EPN2: variants seen among roughly 807,000 people sequenced by gnomAD.
The protein encoded by EPN2 is epsin-2.
EPN2 carries 34 observed loss-of-function variants against 61.7 expected under a neutral mutation model. The ratio of observed to expected loss-of-function variants is 0.55; its 90% CI spans 0.42 to 0.73. The LOEUF (loss-of-function observed/expected upper bound fraction) is 0.73, where lower values mean the gene tolerates loss of function less well. EPN2 is among the 30% of genes least tolerant of loss of function. The pLI, the probability that EPN2 is intolerant of heterozygous loss-of-function variation, is 0.00. For synonymous variants in EPN2, 349 were observed against 353.6 expected, an observed-to-expected ratio of 0.99 and a Z score of 0.15; for missense variants, 714 against 839.2, an observed-to-expected ratio of 0.85 and a Z score of 1.84.
At chr17:19,327,715 T>C (rs1322907326) in intron 7 of EPN2, among the ~76,000 whole-genome samples, 5 of 152,062 alleles carry the variant, frequency 3.3e-5, no homozygotes, top group South Asian at 2.1e-4. Context: ...CACATACATA[T>C]ACATAATATA....
intron 9 of EPN2, among the ~76,000 whole-genome samples, chr17:19,331,622 GTA>G (rs1373666118): frequency 6.6e-6 from 1 of 151,968 alleles, no homozygotes; most frequent in Non-Finnish European, 1.5e-5. Context: ...ACCTGCTTTA[GTA>G]TTTTGATAAA....
In EPN2 at chr17:19,246,855, G is replaced by A. The variant is rs543650672; in HGVS notation, c.-294+9324G>A. Among the ~76,000 whole-genome samples, 28 of 138,312 alleles carry A rather than the reference G, an allele frequency of 2.0e-4. No homozygotes were observed. The South Asian group carries it at 3.8e-3, about 19-fold the overall frequency. 90.7% of individuals were successfully genotyped at this position (138,312 alleles called of 152,430 possible). A position where few individuals can be genotyped will look rare whatever the true frequency, so the allele number is the denominator to read the frequency against. ...GCGATCTCAGCTCACTGCAGGCTCC[G>A]CCCCCGGGTTCACGCCATTCTCCTG... On this transcript the variant is annotated intron_variant, in intron 1 of 10. Transcript: ENST00000314728.
intron 1 of EPN2, among the ~76,000 whole-genome samples, chr17:19,266,023 TTG>T (rs1224337421): frequency 2.0e-5 from 3 of 152,154 alleles, no homozygotes; most frequent in Non-Finnish European, 4.4e-5. Context: ...GCTCATTGTG[TTG>T]TGTGGCTTCT....
At chr17:19,319,389 A>G (rs1041143795) in intron 7 of EPN2, among the ~76,000 whole-genome samples, 4 of 151,786 alleles carry the variant, frequency 2.6e-5, no homozygotes, top group South Asian at 2.1e-4. Flanking sequence ...CAGTGGCGCA[A>G]TCTCGGCTCA....
chr17:19,327,517 GA>G (rs1426353869), intron 7 of EPN2, among the ~76,000 whole-genome samples: 4 of 151,678 alleles, frequency 2.6e-5, no homozygotes, highest in South Asian at 2.1e-4. Context: ...ACGAAAATTA[GA>G]AAAAAAATTA....
chr17:19,266,623 C>T (rs375581790), intron 1 of EPN2, among the ~76,000 whole-genome samples: 2 of 151,690 alleles, frequency 1.3e-5, no homozygotes, highest in African/African-American at 2.4e-5. Flanking sequence ...AGGATGGTTT[C>T]GATCTCCTCA....
intron 7 of EPN2, among the ~76,000 whole-genome samples, chr17:19,327,204 C>T (rs1409103951): frequency 6.6e-6 from 1 of 152,162 alleles, no homozygotes; most frequent in Admixed American, 6.5e-5. Context: ...CAAGAACAAG[C>T]AGCAAAACCA....
At chr17:19,245,260 T>C (rs1003339490) in intron 1 of EPN2, among the ~76,000 whole-genome samples, 3 of 152,182 alleles carry the variant, frequency 2.0e-5, no homozygotes, top group African/African-American at 7.2e-5. Flanking sequence ...TTTGCAGAGC[T>C]GTGTTAAAAT....
chr17:19,241,659 C>T (rs1197392458), intron 1 of EPN2, among the ~76,000 whole-genome samples: 1 of 151,286 alleles, frequency 6.6e-6, no homozygotes, highest in Non-Finnish European at 1.5e-5. Flanking sequence ...TTAACTAGTT[C>T]ATTCAAGTTA....
intron 4 of EPN2, among the ~76,000 whole-genome samples, chr17:19,299,970 A>G (rs1905397350): frequency 2.6e-5 from 4 of 152,236 alleles, no homozygotes; most frequent in African/African-American, 9.6e-5. Context: ...ACTTTGTGCC[A>G]GAAGTAAAGC....
intron 7 of EPN2, among the ~76,000 whole-genome samples, chr17:19,314,045 C>T (rs1906270300): frequency 6.6e-6 from 1 of 152,158 alleles, no homozygotes. Context: ...TTGCCTGTAT[C>T]TCCTGGAGTC....
chr17:19,305,620 C>T (rs931739993), intron 4 of EPN2, among the ~76,000 whole-genome samples: 3 of 152,296 alleles, frequency 2.0e-5, no homozygotes, highest in Non-Finnish European at 4.4e-5. Context: ...TTCACAGTTA[C>T]CTGAAAGTGG....
chr17:19,262,297 G>A (rs2045150237), intron 1 of EPN2, among the ~76,000 whole-genome samples: 2 of 152,058 alleles, frequency 1.3e-5, no homozygotes, highest in East Asian at 3.9e-4. Flanking sequence ...TGACCAACAT[G>A]GAGAAACCCT....
intron 10 of EPN2, 45 bp from the exon 11 acceptor site, chr17:19,333,911 C>G: frequency 6.7e-7 from 1 of 1,488,158 alleles, no homozygotes; most frequent in Non-Finnish European, 9.0e-7. Flanking sequence ...CTCAGAAAGC[C>G]ACACCCTGAC....
In EPN2 at chr17:19,266,576, G is replaced by A. The variant is rs532201872; in HGVS notation, c.-293-15379G>A. 1.7e-3 allele frequency among the ~76,000 whole-genome samples: 253 copies of A among 151,762 alleles called. 1 individual carries two copies. The highest frequency in any genetic ancestry group is 3.4e-3 in the Middle Eastern group (1 of 294). ...CGCTACCACGCCTGGCTAATTTTTT[G>A]TATTTTTAGTAGAGGTGGGGTTTCA... On this transcript the variant is annotated intron_variant, in intron 1 of 10. Transcript: ENST00000314728.
intron 9 of EPN2, among the ~76,000 whole-genome samples, chr17:19,331,220 T>A (rs1907142128): frequency 6.6e-6 from 1 of 152,240 alleles, no homozygotes; most frequent in Non-Finnish European, 1.5e-5. Context: ...GATTTCAGGT[T>A]TTGCTACTGT....
intron 1 of EPN2, among the ~76,000 whole-genome samples, chr17:19,246,958 G>T (rs1472551111): frequency 2.0e-5 from 3 of 152,102 alleles, no homozygotes; most frequent in Admixed American, 6.6e-5. Flanking sequence ...TTATGGTAGA[G>T]AGGGGGTTTC....
rs1481005747 is a variant in EPN2, at chr17:19,283,948, G to A, written c.595+234G>A. ...TCAGGGATCTCTAACGCCCTTTGCT[G>A]CTCTGGGCCTCATTCTGTACATCTG... On this transcript the variant is annotated intron_variant, in intron 3 of 10. Coordinates refer to ENST00000314728, the MANE Select transcript of EPN2 (RefSeq NM_014964.5). The surrounding 1 kb of genome is among the most constrained non-coding windows in gnomAD (Gnocchi z 7.0). 2.6e-5 allele frequency among the ~76,000 whole-genome samples: 4 copies of A among 152,162 alleles called. No individual in the cohort carries two copies. The highest frequency in any genetic ancestry group is 4.1e-4 in the South Asian group (2 of 4,832).
At chr17:19,280,496 C>T (rs1031654296) in intron 1 of EPN2, among the ~76,000 whole-genome samples, 4 of 152,124 alleles carry the variant, frequency 2.6e-5, no homozygotes, top group African/African-American at 9.7e-5. Context: ...GCAGAATATG[C>T]CTGCTTTTAG....
Sources: gnomAD v4.1 joint callset for allele counts (sites outside exome capture counted in the v4.1 genomes callset) on GRCh38, gnomAD v4.1.1 for gene constraint, Gnocchi (gnomAD v3.1) non-coding constraint, MANE v1.5 for transcripts, NCBI Gene and HGNC (gene_info 2026-07-23, HGNC 2026-07-21) for gene names.